AGMO: variants seen among roughly 807,000 people sequenced by gnomAD.
AGMO encodes the protein glyceryl-ether monooxygenase.
AGMO carries 75 observed loss-of-function variants against 60.2 expected under a neutral mutation model. That is an observed-to-expected ratio of 1.25 (90% CI 1.03 to 1.51). AGMO has a LOEUF of 1.51. Ranked by LOEUF, AGMO falls within the 40% of genes most tolerant of loss-of-function variation. AGMO has a pLI of 0.00. For missense variants in AGMO, 763 were observed against 525.5 expected, an observed-to-expected ratio of 1.45 and a Z score of -4.42; for synonymous variants, 261 against 177.1, an observed-to-expected ratio of 1.47 and a Z score of -3.76.
chr7:15,520,739 A>G (rs1349095501), intron 3 of AGMO, among the ~76,000 whole-genome samples: 1 of 152,226 alleles, frequency 6.6e-6, no homozygotes, highest in African/African-American at 2.4e-5. Context: ...TGCCCATAGG[A>G]GAAAGTATGA....
At chr7:15,376,787 TTG>T (rs1783472804) in intron 10 of AGMO, among the ~76,000 whole-genome samples, 1 of 152,088 alleles carries the variant, frequency 6.6e-6, no homozygotes, top group African/African-American at 2.4e-5. Context: ...AGCTGAGGAA[TTG>T]ATTTTTCAAG....
At chr7:15,242,213 GT>G (rs1782610842) in intron 12 of AGMO, among the ~76,000 whole-genome samples, 1 of 152,056 alleles carries the variant, frequency 6.6e-6, no homozygotes, top group African/African-American at 2.4e-5. Flanking sequence ...ACAAATCTAA[GT>G]TTAGGGCAGA....
chr7:15,419,136 A>G (rs1780860018), intron 4 of AGMO, among the ~76,000 whole-genome samples: 1 of 151,850 alleles, frequency 6.6e-6, no homozygotes, highest in Non-Finnish European at 1.5e-5. Context: ...TTTCCTTTTA[A>G]CTTGGTTTTT....
At chr7:15,413,799 C>G (rs1221961454) in intron 5 of AGMO, among the ~76,000 whole-genome samples, 1 of 151,964 alleles carries the variant, frequency 6.6e-6, no homozygotes, top group African/African-American at 2.4e-5. Flanking sequence ...TGCTACAGGT[C>G]TGCATTACAA....
intron 2 of AGMO, among the ~76,000 whole-genome samples, chr7:15,553,001 A>G (rs1785012238): frequency 6.6e-6 from 1 of 152,118 alleles, no homozygotes; most frequent in Non-Finnish European, 1.5e-5. Flanking sequence ...ATAAAAAATG[A>G]TGAGTTCATG....
chr7:15,452,169 T>C (rs947169655), intron 3 of AGMO, among the ~76,000 whole-genome samples: 1 of 152,106 alleles, frequency 6.6e-6, no homozygotes, highest in African/African-American at 2.4e-5. Flanking sequence ...CTTCATGACA[T>C]TGGATTAGGC....
intron 12 of AGMO, among the ~76,000 whole-genome samples, chr7:15,203,510 T>G (rs1047243928): frequency 2.0e-5 from 3 of 151,714 alleles, no homozygotes; most frequent in South Asian, 2.1e-4. Flanking sequence ...TTTTTTTGTT[T>G]TTTTTTTTGC....
At chr7:15,541,634 A>C (rs1784633441) in intron 3 of AGMO, among the ~76,000 whole-genome samples, 1 of 152,190 alleles carries the variant, frequency 6.6e-6, no homozygotes, top group Non-Finnish European at 1.5e-5. Context: ...CAGAACTTCA[A>C]TATCTTGGCA....
At position 15,465,534 on chromosome 7, in the gene AGMO, C is replaced by T. The variant is rs552624562; in HGVS notation, c.410-34426G>A. ...ACATCTGGGGCTCAAGCAATTCTCC[C>T]GCCTCAGCCTCCAAGTAGCTCGGAC... On this transcript the variant is annotated intron_variant, in intron 3 of 12. Coordinates refer to ENST00000342526, the MANE Select transcript of AGMO (RefSeq NM_001004320.2). Among the ~76,000 whole-genome samples the T allele has an allele frequency of 3.3e-5, 5 of 150,360 alleles. No individual in the cohort carries two copies. The East Asian group carries it at 9.8e-4, about 30-fold the overall frequency.
At chr7:15,404,652 G>T (rs1043047534) in intron 5 of AGMO, among the ~76,000 whole-genome samples, 12 of 151,772 alleles carry the variant, frequency 7.9e-5, no homozygotes, top group Admixed American at 2.0e-4. Context: ...AAACTGAAAG[G>T]TTAAGTAATC....
intron 12 of AGMO, among the ~76,000 whole-genome samples, chr7:15,268,691 GTTC>G (rs1036553861): frequency 1.4e-5 from 2 of 145,272 alleles, no homozygotes; most frequent in East Asian, 3.9e-4. Flanking sequence ...AAATAAAGTT[GTTC>G]TTTTTTTAAA....
chr7:15,340,203 T>C (rs1467038208), intron 12 of AGMO, among the ~76,000 whole-genome samples: 1 of 152,200 alleles, frequency 6.6e-6, no homozygotes, highest in Non-Finnish European at 1.5e-5. Flanking sequence ...TATTTTTCCT[T>C]GGAAAGGCTG....
intron 10 of AGMO, among the ~76,000 whole-genome samples, chr7:15,372,201 A>G (rs1237128268): frequency 2.6e-5 from 4 of 152,142 alleles, no homozygotes; most frequent in African/African-American, 9.7e-5. Flanking sequence ...GTGTAATCCC[A>G]GCACTTTACG....
intron 12 of AGMO, among the ~76,000 whole-genome samples, chr7:15,352,775 A>G (rs1339910822): frequency 6.6e-6 from 1 of 151,834 alleles, no homozygotes; most frequent in East Asian, 1.9e-4. Flanking sequence ...TAGAGCCATT[A>G]TCTAGTATCT....
chr7:15,359,189 T>A (rs1459648473), intron 12 of AGMO, among the ~76,000 whole-genome samples: 2 of 149,592 alleles, frequency 1.3e-5, no homozygotes, highest in African/African-American at 4.9e-5. Context: ...CTCGGGAGGC[T>A]GAGGCAGGAG....
chr7:15,528,937 C>G (rs1384417158), intron 3 of AGMO, among the ~76,000 whole-genome samples: 1 of 152,028 alleles, frequency 6.6e-6, no homozygotes, highest in Non-Finnish European at 1.5e-5. Flanking sequence ...CATGAGACAC[C>G]GCGCCCGGCC....
rs28616758 is a variant in AGMO at position 15,459,591 on chromosome 7, A to G, written c.410-28483T>C. ...TTTGGTTTGATCTTTAAATGTGTGT[A>G]TGTGCGTTTGTGTGTGTGTGTGTGT... is the stretch of plus-strand genomic sequence containing the variant. On this transcript the variant is annotated intron_variant, in intron 3 of 12. Coordinates refer to ENST00000342526, the MANE Select transcript of AGMO (RefSeq NM_001004320.2). Among the ~76,000 whole-genome samples, 116 of 13,256 alleles carry G rather than the reference A, an allele frequency of 8.8e-3. 1 individual carries two copies. The highest frequency in any genetic ancestry group is 0.065 in the South Asian group (48 of 742). The allele number at this position is 13,256 out of a possible 152,430, so 8.7% of individuals were successfully genotyped here. A position where few individuals can be genotyped will look rare whatever the true frequency, so the allele number is the denominator to read the frequency against.
intron 10 of AGMO, among the ~76,000 whole-genome samples, chr7:15,376,456 A>G (rs896036006): frequency 1.3e-5 from 2 of 152,102 alleles, no homozygotes; most frequent in Non-Finnish European, 2.9e-5. Context: ...TAGTGCCCAT[A>G]ATGTTTTACA....
intron 12 of AGMO, among the ~76,000 whole-genome samples, chr7:15,328,705 T>C (rs1189004773): frequency 1.3e-5 from 2 of 152,208 alleles, no homozygotes; most frequent in South Asian, 2.1e-4. Context: ...GAAATTTCAG[T>C]GAGCCTTTTA....
Sources: gnomAD v4.1 joint callset for allele counts (sites outside exome capture counted in the v4.1 genomes callset) on GRCh38, gnomAD v4.1.1 for gene constraint, MANE v1.5 for transcripts, NCBI Gene and HGNC (gene_info 2026-07-23, HGNC 2026-07-21) for gene names.